The following RMND5B variants were observed in gnomAD, a reference collection of about 807,000 sequenced individuals.
RMND5B encodes the protein E3 ubiquitin-protein transferase RMND5B.
A neutral mutation model predicts 50.4 loss-of-function variants in RMND5B; 42 were observed. The observed-to-expected ratio is 0.83, with a 90% CI of 0.65 to 1.08. The LOEUF (loss-of-function observed/expected upper bound fraction) is 1.08, where lower values mean the gene tolerates loss of function less well. RMND5B is among the 50% of genes least tolerant of loss of function. RMND5B has a pLI of 0.00. For missense variants in RMND5B, 463 were observed against 508.5 expected (o/e 0.91, Z 0.86); for synonymous variants, 220 against 210.0 (o/e 1.05, Z -0.41).
At chr5:178,141,778 C>G (rs1312378640) in intron 3 of RMND5B, 1 of 152,228 alleles carries the variant, frequency 6.6e-6, no homozygotes, top group East Asian at 1.9e-4. Context: ...GTACAATCTT[C>G]ACCACTATCT....
intron 2 of RMND5B, among the ~76,000 whole-genome samples, chr5:178,133,062 G>C (rs7733574): frequency 6.6e-6 from 1 of 151,508 alleles, no homozygotes; most frequent in Admixed American, 6.6e-5. Context: ...ACAGGGTTTC[G>C]CCATGTTGGT....
rs189045619 is a variant in RMND5B, at chr5:178,134,916, G to A, written c.-12-3192G>A. Among the ~76,000 whole-genome samples the A allele has an allele frequency of 7.3e-5, 11 of 149,940 alleles. No individual in the cohort carries two copies. The East Asian group carries it at 2.0e-3, about 27-fold the overall frequency. ...TGCTTGGACCCGGGAGGTGGAGGTT[G>A]CCAGTGAGCCAAGATAGCACCACTG... On this transcript the variant is annotated intron_variant, in intron 2 of 10. Transcript: ENST00000313386.
At position 178,147,714 on chromosome 5, in the gene RMND5B, C is replaced by G; in HGVS notation, c.964-15C>G. 4 of 1,614,114 alleles carry G rather than the reference C, an allele frequency of 2.5e-6. No homozygotes were observed. The highest frequency in any genetic ancestry group is 3.4e-6 in the Non-Finnish European group (4 of 1,179,990). ...GACAGGAAGTGGAACTCACCCGCTT[C>G]GCTGCCCTTCCCAGATTGAGATTGA... On this transcript the variant is annotated splice_polypyrimidine_tract_variant and intron_variant, in intron 9 of 10. Transcript: ENST00000313386.
At chr5:178,142,764 G>A (rs755669930) in intron 4 of RMND5B, 36 bp downstream of exon 4, 4 of 1,614,250 alleles carry the variant, frequency 2.5e-6, no homozygotes, top group Non-Finnish European at 3.4e-6. Flanking sequence ...TGGGGTGGGA[G>A]CACCCTGAAG....
chr5:178,147,548 T>C lies in RMND5B; in HGVS notation c.876T>C (p.Cys292=), dbSNP rs375864830. 1 of 1,613,950 alleles carries C rather than the reference T, an allele frequency of 6.2e-7. No individual in the cohort carries two copies. The highest frequency in any genetic ancestry group is 1.3e-5 in the African/African-American group (1 of 74,910). Residue 292 remains cysteine (C), a synonymous_variant, in exon 9 of 11, where the codon TGT becomes TGC. Transcript: ENST00000313386. ...TTGTCTGCAGCTTTGCCTCTGGCTG[T>C]GTGGCGCTGCCTGTGTTGATGAACA... The part of the protein sequence containing the change: ...SPLSVSFASG[C]VALPVLMNIK...
intron 1 of RMND5B, 63 bp downstream of exon 1, chr5:178,131,117 G>A (rs1758265515): frequency 6.6e-6 from 1 of 151,540 alleles, no homozygotes; most frequent in African/African-American, 2.4e-5. Context: ...GCGGCCGGCG[G>A]AGCTGAGGCG....
At position 178,138,673 on chromosome 5, in the gene RMND5B, C is replaced by T. The variant is rs1758756644; in HGVS notation, c.139+415C>T. 6.6e-6 allele frequency among the ~76,000 whole-genome samples: 1 copy of T among 151,802 alleles called. No homozygotes were observed. Among genetic ancestry groups the T allele is most frequent in the Non-Finnish European group, 1.5e-5 (1 of 68,004 alleles). On this transcript the variant is annotated intron_variant, in intron 3 of 10. Coordinates refer to ENST00000313386, the MANE Select transcript of RMND5B (RefSeq NM_022762.5). The surrounding 1 kb of genome is among the most constrained non-coding windows in gnomAD (Gnocchi z 5.1). ...GCCACCATGCCTGGCCTATTTTTAGCTTTTAAGATTTTAAAGATAATTTCA... is the reference window on the plus strand; with the variant it reads ...GCCACCATGCCTGGCCTATTTTTAGTTTTTAAGATTTTAAAGATAATTTCA...
chr5:178,143,427 G>C (rs1011784592), intron 5 of RMND5B, among the ~76,000 whole-genome samples, 200 bp from the exon 6 acceptor site: 22 of 152,294 alleles, frequency 1.4e-4, no homozygotes, highest in African/African-American at 5.3e-4. Flanking sequence ...CTGCACTCGA[G>C]GTCAGCATGT....
At chr5:178,140,825 C>G (rs949314181) in intron 3 of RMND5B, among the ~76,000 whole-genome samples, 1 of 145,388 alleles carries the variant, frequency 6.9e-6, no homozygotes, top group Non-Finnish European at 1.5e-5. Context: ...GCGAGACTGT[C>G]TCAAAAAAAA....
intron 7 of RMND5B, 125 bp downstream of exon 7, chr5:178,144,233 A>T: frequency 2.0e-6 from 2 of 986,052 alleles, no homozygotes; most frequent in Non-Finnish European, 2.9e-6. Flanking sequence ...GCCTCTCCCC[A>T]ACTAGAAACT....
At position 178,135,596 on chromosome 5, in the gene RMND5B, C is replaced by T. The variant is rs550743338; in HGVS notation, c.-12-2512C>T. ...TCCCCCACATTTTACTTACTTGATT[C>T]CTCTAGTGATGAGGTCCCTAGATTG... On this transcript the variant is annotated intron_variant, in intron 2 of 10. Transcript: ENST00000313386. Among the ~76,000 whole-genome samples the T allele has an allele frequency of 3.9e-5, 6 of 152,330 alleles. No individual in the cohort carries two copies. The South Asian group carries it at 1.0e-3, about 26-fold the overall frequency.
At chr5:178,140,271 T>G (rs1758850071) in intron 3 of RMND5B, among the ~76,000 whole-genome samples, 2 of 152,030 alleles carry the variant, frequency 1.3e-5, no homozygotes. Context: ...CCTCCTGGGC[T>G]CAAGTGATCC....
At chr5:178,133,229 C>G (rs928896644) in intron 2 of RMND5B, among the ~76,000 whole-genome samples, 1 of 152,140 alleles carries the variant, frequency 6.6e-6, no homozygotes, top group Non-Finnish European at 1.5e-5. Context: ...TTTCTCCTTA[C>G]ACAGGAGCCC....
rs751795267 is a variant in RMND5B at position 178,138,103 on chromosome 5, C to A, written c.-12-5C>A. ...ATGGGGCCTGACCCAGCTGACCCTC[C>A]CCAGGCTGAGGCCACCATGGAGCAG... On this transcript the variant is annotated splice_polypyrimidine_tract_variant and splice_region_variant and intron_variant, in intron 2 of 10. Transcript: ENST00000313386. The surrounding 1 kb of genome is among the most constrained non-coding windows in gnomAD (Gnocchi z 5.1). 6.4e-7 allele frequency: 1 copy of A among 1,574,440 alleles called. No individual in the cohort carries two copies. The highest frequency in any genetic ancestry group is 8.6e-7 in the Non-Finnish European group (1 of 1,160,650).
chr5:178,138,505 T>C lies in RMND5B; in HGVS notation c.139+247T>C. 3 of 994,232 alleles carry C rather than the reference T, an allele frequency of 3.0e-6. No homozygotes were observed. In the South Asian group the frequency reaches 5.9e-5, roughly 20 times the overall value. The allele number at this position is 994,232 out of a possible 1,614,324, so 61.6% of individuals were successfully genotyped here. A position where few individuals can be genotyped will look rare whatever the true frequency, so the allele number is the denominator to read the frequency against. On this transcript the variant is annotated intron_variant, in intron 3 of 10. Coordinates refer to ENST00000313386, the MANE Select transcript of RMND5B (RefSeq NM_022762.5). The surrounding 1 kb of genome is among the most constrained non-coding windows in gnomAD (Gnocchi z 5.1). ...AACTTACTTTTCTATTTTTAACTTT[T>C]TTTCATTTTATAATTGTGTGTGTGT... is the stretch of plus-strand genomic sequence containing the variant.
At chr5:178,145,706 C>T (rs1755966472) in intron 7 of RMND5B, among the ~76,000 whole-genome samples, 1 of 152,184 alleles carries the variant, frequency 6.6e-6, no homozygotes, top group South Asian at 2.1e-4. Context: ...CGCCCGGCCC[C>T]AAAACATGAC....
chr5:178,149,695 A>G lies in RMND5B; in HGVS notation c.*1663A>G. On this transcript the variant is annotated 3_prime_UTR_variant, in exon 11 of 11. Coordinates refer to ENST00000313386, the MANE Select transcript of RMND5B (RefSeq NM_022762.5). ...CAATAGCTTCCAGCGGCAGGTGCCC[A>G]GGTGCTACCGGAGCCCCTCATAGGG... is the stretch of plus-strand genomic sequence containing the variant. The G allele has an allele frequency of 6.2e-7, 1 of 1,612,138 alleles. No homozygotes were observed. The highest frequency in any genetic ancestry group is 2.2e-5 in the East Asian group (1 of 44,854).
Position 178,137,746 on chromosome 5 carries a change from T to TAA in RMND5B, c.-12-361_-12-360insAA, listed in dbSNP as rs1758692954. On this transcript the variant is annotated intron_variant, in intron 2 of 10. Transcript: ENST00000313386. The surrounding 1 kb of genome is among the most constrained non-coding windows in gnomAD (Gnocchi z 4.4). ...ATTATGCAGTATATGGATTTCTAGT[T>TAA]AGATAGTATTGCCAGCTAAGGGCTC... 6.6e-6 allele frequency among the ~76,000 whole-genome samples: 1 copy of TAA among 152,210 alleles called. No individual in the cohort carries two copies. Among genetic ancestry groups the TAA allele is most frequent in the Non-Finnish European group, 1.5e-5 (1 of 68,040 alleles).
chr5:178,150,062 G>A lies in RMND5B; in HGVS notation c.*2030G>A, dbSNP rs536531442. The A allele has an allele frequency of 4.3e-6, 2 of 461,344 alleles. No individual in the cohort carries two copies. The allele number at this position is 461,344 out of a possible 1,614,324, so 28.6% of individuals were successfully genotyped here. The stretch of plus-strand genomic sequence containing the variant: ...GCCTACATTCCCACATGGCAACTAT[G>A]AAAGGGCTCCAGCCCAGCAGGGGCT... On this transcript the variant is annotated 3_prime_UTR_variant, in exon 11 of 11. Coordinates refer to ENST00000313386, the MANE Select transcript of RMND5B (RefSeq NM_022762.5).
Sources: gnomAD v4.1 joint callset for allele counts (sites outside exome capture counted in the v4.1 genomes callset) on GRCh38, gnomAD v4.1.1 for gene constraint, Gnocchi (gnomAD v3.1) non-coding constraint, MANE v1.5 for transcripts, NCBI Gene and HGNC (gene_info 2026-07-23, HGNC 2026-07-21) for gene names.